The following CSTPP1 variants were observed in gnomAD, a reference collection of about 807,000 sequenced individuals.
CSTPP1 encodes the protein UPF0705 protein C11orf49.
the CSTPP1 span, among the ~76,000 whole-genome samples, chr11:46,989,567 T>C: frequency 2.1e-3 from 316 of 152,346 alleles, 8 homozygotes; most frequent in East Asian, 0.042. Context: ...TCTCAAAGTG[T>C]TGGGATTGTA....
At chr11:47,005,152 G>C in the CSTPP1 span, among the ~76,000 whole-genome samples, 1 of 151,280 alleles carries the variant, frequency 6.6e-6, no homozygotes, top group African/African-American at 2.4e-5. Context: ...AGGAAAAAGA[G>C]ATACTACAGA....
At chr11:47,001,032 C>T in the CSTPP1 span, among the ~76,000 whole-genome samples, 1 of 152,122 alleles carries the variant, frequency 6.6e-6, no homozygotes, top group African/African-American at 2.4e-5. Flanking sequence ...ATAGTATGGA[C>T]AGGGAAGTCC....
At chr11:47,155,990 A>G in the CSTPP1 span, 1 of 152,224 alleles carries the variant, frequency 6.6e-6, no homozygotes, top group Non-Finnish European at 1.5e-5. Context: ...CCGGGTTTAC[A>G]AATTGCTGAC....
At chr11:46,946,561 G>A in the CSTPP1 span, among the ~76,000 whole-genome samples, 1 of 152,252 alleles carries the variant, frequency 6.6e-6, no homozygotes, top group African/African-American at 2.4e-5. Context: ...GCGAGGCTGA[G>A]GCAGGAGAAT....
the CSTPP1 span, among the ~76,000 whole-genome samples, chr11:47,059,701 G>T: frequency 6.6e-6 from 1 of 152,156 alleles, no homozygotes; most frequent in Non-Finnish European, 1.5e-5. Context: ...AGATAATGCG[G>T]AATGCTTTTA....
the CSTPP1 span, among the ~76,000 whole-genome samples, chr11:46,997,857 C>T: frequency 4.6e-5 from 7 of 152,170 alleles, no homozygotes; most frequent in Non-Finnish European, 8.8e-5. Flanking sequence ...GTATCACCAG[C>T]GGAGGCTGCA....
the CSTPP1 span, among the ~76,000 whole-genome samples, chr11:47,125,542 A>G: frequency 6.6e-6 from 1 of 152,260 alleles, no homozygotes; most frequent in Non-Finnish European, 1.5e-5. Flanking sequence ...TCAAATGCAT[A>G]ATCTGTTCCA....
the CSTPP1 span, among the ~76,000 whole-genome samples, chr11:46,978,504 A>G: frequency 6.6e-6 from 1 of 152,220 alleles, no homozygotes; most frequent in Admixed American, 6.5e-5. Flanking sequence ...ATTAATTTAG[A>G]TGATATGTTA....
At chr11:46,949,661 G>GA in the CSTPP1 span, among the ~76,000 whole-genome samples, 2 of 145,632 alleles carry the variant, frequency 1.4e-5, no homozygotes, top group African/African-American at 5.1e-5. Context: ...GATGGTAAGA[G>GA]AAAATAACTT....
At chr11:47,088,602 A>G in the CSTPP1 span, among the ~76,000 whole-genome samples, 1 of 152,152 alleles carries the variant, frequency 6.6e-6, no homozygotes, top group South Asian at 2.1e-4. Flanking sequence ...GCTGGAGTGC[A>G]ATGGCACGAT....
At chr11:46,994,450 G>A in the CSTPP1 span, among the ~76,000 whole-genome samples, 12 of 152,160 alleles carry the variant, frequency 7.9e-5, no homozygotes, top group Middle Eastern at 3.4e-3. Context: ...GATACACCCC[G>A]TCAATACCTG....
At chr11:47,022,950 G>A in the CSTPP1 span, among the ~76,000 whole-genome samples, 1 of 152,164 alleles carries the variant, frequency 6.6e-6, no homozygotes, top group Non-Finnish European at 1.5e-5. Flanking sequence ...AGGAAGATTT[G>A]TCCCAGACTA....
chr11:47,077,806 T>C, the CSTPP1 span, among the ~76,000 whole-genome samples: 1 of 152,150 alleles, frequency 6.6e-6, no homozygotes, highest in African/African-American at 2.4e-5. Flanking sequence ...TAGAATTGAT[T>C]ATCTGTTGTG....
At chr11:47,157,039 G>A in the CSTPP1 span, 2 of 1,614,024 alleles carry the variant, frequency 1.2e-6, no homozygotes, top group African/African-American at 2.7e-5. Flanking sequence ...TGGACAGTGT[G>A]GCTGCCATCT....
chr11:46,980,482 G>A, the CSTPP1 span, among the ~76,000 whole-genome samples: 1 of 152,176 alleles, frequency 6.6e-6, no homozygotes. Context: ...TTCTCAGAAA[G>A]TTCTGTTTGA....
the CSTPP1 span, among the ~76,000 whole-genome samples, chr11:47,120,281 G>A: frequency 6.6e-6 from 1 of 152,102 alleles, no homozygotes; most frequent in Non-Finnish European, 1.5e-5. The surrounding 1 kb of genome is among the most constrained non-coding windows in gnomAD (Gnocchi z 4.2). Context: ...TGTGTACTGT[G>A]TGCCAGTCCC....
the CSTPP1 span, among the ~76,000 whole-genome samples, chr11:46,947,345 AT>A: frequency 6.6e-6 from 1 of 152,200 alleles, no homozygotes; most frequent in Non-Finnish European, 1.5e-5. Flanking sequence ...GAAATAGCTC[AT>A]TCTATGATTG....
the CSTPP1 span, among the ~76,000 whole-genome samples, chr11:47,136,146 T>G: frequency 6.6e-6 from 1 of 152,344 alleles, no homozygotes; most frequent in South Asian, 2.1e-4. Flanking sequence ...AAAAGCACGA[T>G]GATTCAAAGA....
the CSTPP1 span, among the ~76,000 whole-genome samples, chr11:47,096,882 T>C: frequency 6.6e-6 from 1 of 152,154 alleles, no homozygotes; most frequent in Non-Finnish European, 1.5e-5. Flanking sequence ...CACTTTTTAG[T>C]TTCTTTTTAT....
Sources: allele counts gnomAD v4.1 joint callset (sites outside exome capture counted in the v4.1 genomes callset), GRCh38; gene constraint gnomAD v4.1.1; non-coding constraint Gnocchi (gnomAD v3.1); transcripts MANE v1.5; gene names NCBI Gene and HGNC (gene_info 2026-07-23, HGNC 2026-07-21).